EBPL: variants seen among roughly 807,000 people sequenced by gnomAD.
EBPL encodes the protein EBP like.
EBPL carries 20 observed loss-of-function variants against 19.0 expected under a neutral mutation model. That is an observed-to-expected ratio of 1.05 (90% CI 0.74 to 1.53). EBPL has a LOEUF of 1.53. EBPL is among the 40% of genes most tolerant of loss of function. EBPL has a pLI of 0.00. For synonymous variants in EBPL, 107 were observed against 117.0 expected (o/e 0.91, Z 0.55); for missense variants, 219 against 261.1 (o/e 0.84, Z 1.11).
chr13:49,680,321 T>C (rs113484679), intron 1 of EBPL, among the ~76,000 whole-genome samples: 22 of 152,312 alleles, frequency 1.4e-4, no homozygotes, highest in Admixed American at 3.3e-4. Context: ...GAGACAGACT[T>C]ACTCAGTACA....
At chr13:49,672,917 G>A (rs531992045) in intron 1 of EBPL, among the ~76,000 whole-genome samples, 4 of 152,114 alleles carry the variant, frequency 2.6e-5, no homozygotes, top group Non-Finnish European at 5.9e-5. Context: ...ACAATTAGCC[G>A]GGTGTGGTGG....
chr13:49,660,934 G>A lies in EBPL; in HGVS notation c.*34C>T, dbSNP rs1965134800. The A allele has an allele frequency of 1.9e-6, 3 of 1,540,870 alleles. No individual in the cohort carries two copies. The highest frequency in any genetic ancestry group is 2.7e-6 in the Non-Finnish European group (3 of 1,123,550). On this transcript the variant is annotated 3_prime_UTR_variant, in exon 4 of 4. Coordinates refer to ENST00000242827, the MANE Select transcript of EBPL (RefSeq NM_032565.5). The stretch of plus-strand genomic sequence containing the variant: ...AAAGATTTGATTCATTCTGGTTCAT[G>A]AAGTTAGATAATGGTGTTTATGGTT...
intron 1 of EBPL, among the ~76,000 whole-genome samples, chr13:49,686,952 C>T (rs576858210): frequency 5.6e-4 from 86 of 152,216 alleles, no homozygotes; most frequent in Non-Finnish European, 1.0e-3. Flanking sequence ...TGCAGCACCA[C>T]ACCCAGCTAA....
chr13:49,666,036 T>C (rs1324647098), intron 2 of EBPL, among the ~76,000 whole-genome samples: 1 of 152,240 alleles, frequency 6.6e-6, no homozygotes, highest in Admixed American at 6.5e-5. Flanking sequence ...AGGAGGTTTA[T>C]TAGTTGCACA....
chr13:49,683,296 G>A (rs1594416061), intron 1 of EBPL, among the ~76,000 whole-genome samples: 1 of 152,022 alleles, frequency 6.6e-6, no homozygotes, highest in African/African-American at 2.4e-5. Flanking sequence ...GGAGGCCGAG[G>A]CGGGCAGATC....
intron 1 of EBPL, among the ~76,000 whole-genome samples, chr13:49,685,503 A>T (rs148058801): frequency 2.6e-5 from 4 of 152,138 alleles, no homozygotes; most frequent in African/African-American, 9.7e-5. Context: ...AGGCTATAGA[A>T]GGAGGATCCC....
intron 1 of EBPL, among the ~76,000 whole-genome samples, chr13:49,671,739 A>G (rs1432255181): frequency 6.6e-6 from 1 of 152,140 alleles, no homozygotes; most frequent in African/African-American, 2.4e-5. Context: ...CTTCCTATAG[A>G]TTGTAAATCT....
intron 1 of EBPL, among the ~76,000 whole-genome samples, chr13:49,672,437 C>T (rs1461088629): frequency 6.6e-6 from 1 of 152,220 alleles, no homozygotes; most frequent in African/African-American, 2.4e-5. Flanking sequence ...AACTTGCTCA[C>T]TTGTCTCTTC....
chr13:49,673,384 T>C (rs935292160), intron 1 of EBPL, among the ~76,000 whole-genome samples: 1 of 152,250 alleles, frequency 6.6e-6, no homozygotes, highest in Non-Finnish European at 1.5e-5. Flanking sequence ...TAAAAACTGA[T>C]GTCCTTCAAA....
At chr13:49,678,956 G>A (rs557997189) in intron 1 of EBPL, among the ~76,000 whole-genome samples, 172 of 141,380 alleles carry the variant, frequency 1.2e-3, no homozygotes, top group African/African-American at 4.4e-3. Context: ...AGGTTGCAGT[G>A]AGTCAAGATC....
intron 1 of EBPL, among the ~76,000 whole-genome samples, chr13:49,683,549 AAAAAAC>A (rs759935072): frequency 5.7e-5 from 4 of 69,782 alleles, no homozygotes; most frequent in Admixed American, 1.5e-4. Flanking sequence ...AAACAAACAA[AAAAAAC>A]AAAAACAAAA....
intron 1 of EBPL, among the ~76,000 whole-genome samples, chr13:49,683,182 C>T (rs1048124200): frequency 6.6e-6 from 1 of 151,860 alleles, no homozygotes; most frequent in Non-Finnish European, 1.5e-5. Context: ...ATCATGTTGG[C>T]CAGGCTGGTC....
intron 1 of EBPL, among the ~76,000 whole-genome samples, chr13:49,688,662 C>T (rs142249912): frequency 0.029 from 4,166 of 144,632 alleles, 201 homozygotes; most frequent in African/African-American, 0.1. Context: ...GAGCTTGCAG[C>T]GAGCCGAGAT....
chr13:49,675,922 G>C (rs1476274975), intron 1 of EBPL, among the ~76,000 whole-genome samples: 2 of 151,396 alleles, frequency 1.3e-5, no homozygotes, highest in Non-Finnish European at 2.9e-5. Flanking sequence ...GTGTGAAGGA[G>C]TATCTCACTG....
chr13:49,688,805 C>G (rs1351397549), intron 1 of EBPL, among the ~76,000 whole-genome samples: 6 of 151,690 alleles, frequency 4.0e-5, no homozygotes, highest in African/African-American at 1.5e-4. Flanking sequence ...TTTTGGTTCT[C>G]CCCTAAGCTC....
At chr13:49,676,517 G>A (rs770717381) in intron 1 of EBPL, among the ~76,000 whole-genome samples, 10 of 152,080 alleles carry the variant, frequency 6.6e-5, no homozygotes, top group Admixed American at 1.3e-4. Context: ...GTGTGAACCC[G>A]GGAGGCGGAG....
intron 1 of EBPL, among the ~76,000 whole-genome samples, chr13:49,685,954 T>G (rs1351855367): frequency 6.6e-6 from 1 of 151,794 alleles, no homozygotes; most frequent in African/African-American, 2.4e-5. Context: ...AGAAGGGTAA[T>G]GCCCAGCTTC....
At chr13:49,663,535 G>C (rs1566312119) in intron 2 of EBPL, among the ~76,000 whole-genome samples, 1 of 152,178 alleles carries the variant, frequency 6.6e-6, no homozygotes, top group Non-Finnish European at 1.5e-5. Flanking sequence ...ACAATCTCCA[G>C]TCATGATCTT....
At chr13:49,680,416 C>G (rs1594414453) in intron 1 of EBPL, among the ~76,000 whole-genome samples, 1 of 152,152 alleles carries the variant, frequency 6.6e-6, no homozygotes, top group East Asian at 1.9e-4. Flanking sequence ...AGGACAAAAA[C>G]AGAAGAAAAA....
Sources: gnomAD v4.1 joint callset for allele counts (sites outside exome capture counted in the v4.1 genomes callset) on GRCh38, gnomAD v4.1.1 for gene constraint, MANE v1.5 for transcripts, NCBI Gene and HGNC (gene_info 2026-07-23, HGNC 2026-07-21) for gene names.